Variants in TSHZ3 observed in about 807,000 individuals in gnomAD.
TSHZ3 encodes the protein teashirt homolog 3.
A neutral mutation model predicts 64.5 loss-of-function variants in TSHZ3; 10 were observed. The ratio of observed to expected loss-of-function variants is 0.16; its 90% CI spans 0.10 to 0.26. The LOEUF (loss-of-function observed/expected upper bound fraction) is 0.26, where lower values mean the gene tolerates loss of function less well. Among genes scored for constraint, TSHZ3 ranks in the 10% least tolerant of loss-of-function variants. The pLI is 1.00. For synonymous variants in TSHZ3, 608 were observed against 593.1 expected, an observed-to-expected ratio of 1.03 and a Z score of -0.36; for missense variants, 1,242 against 1,421.7, an observed-to-expected ratio of 0.87 and a Z score of 2.03.
In TSHZ3 at chr19:31,155,142, C is replaced by G. The variant is rs117424891; in HGVS notation, n.871+1214G>C. Reference sequence around the variant, plus strand: ...AGAGCTAGCGAACCAATCACCTGCACTGTCTCCATCAGCCCCATCCTCACA... The same window carrying G: ...AGAGCTAGCGAACCAATCACCTGCAGTGTCTCCATCAGCCCCATCCTCACA... On this transcript the variant is annotated intron_variant and non_coding_transcript_variant, in intron 6 of 6. Transcript: ENST00000651361. Among the ~76,000 whole-genome samples the G allele has an allele frequency of 4.6e-5, 7 of 152,346 alleles. No individual in the cohort carries two copies. In the East Asian group the frequency reaches 1.4e-3, roughly 29 times the overall value.
rs376591388 is a variant in TSHZ3 at position 31,329,439 on chromosome 19, T to C, written c.40+19741A>G. On this transcript the variant is annotated intron_variant, in intron 1 of 1. Coordinates refer to ENST00000240587, the MANE Select transcript of TSHZ3 (RefSeq NM_020856.4). Reference sequence around the variant, plus strand: ...AGTGGTATAAGGTCAGCCCTGGCAATGGGCACGCTCAAGTTTACTTGCACA... The same window carrying C: ...AGTGGTATAAGGTCAGCCCTGGCAACGGGCACGCTCAAGTTTACTTGCACA... Among the ~76,000 whole-genome samples, 28 of 152,358 alleles carry C rather than the reference T, an allele frequency of 1.8e-4. 1 individual carries two copies. In the East Asian group the frequency reaches 3.9e-3, roughly 21 times the overall value.
At chr19:31,250,082 C>T (rs1419125573) in intron 1 of TSHZ3, among the ~76,000 whole-genome samples, 1 of 152,218 alleles carries the variant, frequency 6.6e-6, no homozygotes, top group East Asian at 1.9e-4. Flanking sequence ...CCGGGACACA[C>T]CTGTCGAGTG....
At chr19:31,320,193 G>A (rs569564929) in intron 1 of TSHZ3, among the ~76,000 whole-genome samples, 3 of 152,112 alleles carry the variant, frequency 2.0e-5, no homozygotes, top group Non-Finnish European at 2.9e-5. Flanking sequence ...ACATGACCAC[G>A]GGGCTTCTCC....
intron 1 of TSHZ3, among the ~76,000 whole-genome samples, chr19:31,255,118 G>A (rs1261933664): frequency 6.6e-6 from 1 of 152,190 alleles, no homozygotes; most frequent in African/African-American, 2.4e-5. Flanking sequence ...TCTGGTGACT[G>A]GAGAAGGAAA....
intron 5 of TSHZ3, among the ~76,000 whole-genome samples, chr19:31,196,347 T>C (rs746383568): frequency 1.6e-4 from 25 of 151,824 alleles, no homozygotes; most frequent in Non-Finnish European, 3.4e-4. Flanking sequence ...AGAGGGAAAA[T>C]GAACTTATAT....
chr19:31,338,530 T>C (rs528570081), intron 1 of TSHZ3, among the ~76,000 whole-genome samples: 2 of 152,138 alleles, frequency 1.3e-5, no homozygotes, highest in Non-Finnish European at 2.9e-5. Flanking sequence ...TTTTTAATAG[T>C]TATATTGTGC....
chr19:31,194,610 C>G (rs1406388157), intron 5 of TSHZ3, among the ~76,000 whole-genome samples: 1 of 152,174 alleles, frequency 6.6e-6, no homozygotes, highest in African/African-American at 2.4e-5. Context: ...CTGCACCTTA[C>G]TACCACTTTA....
intron 1 of TSHZ3, among the ~76,000 whole-genome samples, chr19:31,337,358 A>G (rs1202501116): frequency 6.6e-6 from 1 of 152,186 alleles, no homozygotes; most frequent in Admixed American, 6.5e-5. Context: ...CTTACCAATT[A>G]TACCTGAAAT....
intron 5 of TSHZ3, among the ~76,000 whole-genome samples, chr19:31,168,410 T>C (rs561529869): frequency 6.6e-6 from 1 of 152,322 alleles, no homozygotes; most frequent in Non-Finnish European, 1.5e-5. Flanking sequence ...CCAAAAAGAC[T>C]TAGTTCTAGC....
At chr19:31,252,769 T>C (rs1263434621) in intron 1 of TSHZ3, among the ~76,000 whole-genome samples, 2 of 152,212 alleles carry the variant, frequency 1.3e-5, no homozygotes, top group Non-Finnish European at 2.9e-5. Context: ...CAGGTATTTC[T>C]TCATAGTAGT....
intron 1 of TSHZ3, among the ~76,000 whole-genome samples, chr19:31,301,022 A>G (rs1465896661): frequency 6.6e-6 from 1 of 152,148 alleles, no homozygotes; most frequent in African/African-American, 2.4e-5. Flanking sequence ...TTTACATTAA[A>G]CACATTTCAG....
chr19:31,230,562 C>T (rs1408482070), intron 3 of TSHZ3, among the ~76,000 whole-genome samples: 1 of 151,932 alleles, frequency 6.6e-6, no homozygotes, highest in Non-Finnish European at 1.5e-5. Flanking sequence ...TTCTTACAGC[C>T]AAAAACTGGG....
intron 4 of TSHZ3, among the ~76,000 whole-genome samples, chr19:31,216,760 G>A (rs1392170321): frequency 2.0e-5 from 3 of 152,136 alleles, no homozygotes; most frequent in South Asian, 2.1e-4. Flanking sequence ...CCTCTCTCCC[G>A]AGTAGCTGGG....
In TSHZ3 at chr19:31,341,510, G is replaced by T. The variant is rs532772464; in HGVS notation, c.40+7670C>A. On this transcript the variant is annotated intron_variant, in intron 1 of 1. Transcript: ENST00000240587. ...ATCTGTAGCCCCCACCCCCATGAAA[G>T]GTGTAGGAAAATAATAAAGTAGATA... Among the ~76,000 whole-genome samples, 8 of 152,132 alleles carry T rather than the reference G, an allele frequency of 5.3e-5. No homozygotes were observed. In the East Asian group the frequency reaches 1.5e-3, roughly 29 times the overall value.
At chr19:31,217,873 G>T (rs1975353411) in intron 4 of TSHZ3, among the ~76,000 whole-genome samples, 1 of 152,030 alleles carries the variant, frequency 6.6e-6, no homozygotes, top group Non-Finnish European at 1.5e-5. Flanking sequence ...TTACAATTTT[G>T]CCTTTTCCAG....
intron 1 of TSHZ3, among the ~76,000 whole-genome samples, chr19:31,269,639 T>TAG (rs1448339671): frequency 2.0e-5 from 3 of 152,136 alleles, no homozygotes; most frequent in Admixed American, 2.0e-4. Context: ...GCCTGGGAGA[T>TAG]CTCTAACTCA....
downstream of TSHZ3, among the ~76,000 whole-genome samples, chr19:31,270,460 C>T (rs1171117775): frequency 6.6e-6 from 1 of 152,208 alleles, no homozygotes; most frequent in Admixed American, 6.5e-5. Context: ...TGCACGCCAC[C>T]ATGCTCAGCT....
At chr19:31,172,600 G>A (rs775112958) in intron 5 of TSHZ3, among the ~76,000 whole-genome samples, 10 of 152,154 alleles carry the variant, frequency 6.6e-5, no homozygotes, top group South Asian at 2.1e-4. Context: ...ATACTTTAAC[G>A]TTCTAGTGGA....
chr19:31,152,345 C>A (rs532162817), intron 6 of TSHZ3, among the ~76,000 whole-genome samples: 4 of 151,780 alleles, frequency 2.6e-5, no homozygotes, highest in Non-Finnish European at 5.9e-5. Flanking sequence ...TTTTTGTCAG[C>A]CCATCCCAGA....
Sources: gnomAD v4.1 joint callset for allele counts (sites outside exome capture counted in the v4.1 genomes callset) on GRCh38, gnomAD v4.1.1 for gene constraint, MANE v1.5 for transcripts, NCBI Gene and HGNC (gene_info 2026-07-23, HGNC 2026-07-21) for gene names.